Variants in KAZN observed in about 807,000 individuals in gnomAD.
The protein encoded by KAZN is kazrin, periplakin interacting protein.
A neutral mutation model predicts 87.4 loss-of-function variants in KAZN; 40 were observed. The observed-to-expected ratio is 0.46, with a 90% CI of 0.36 to 0.60. The LOEUF is 0.60. Among genes scored for constraint, KAZN ranks in the 20% least tolerant of loss-of-function variants. KAZN has a pLI of 0.00. For missense variants in KAZN, 898 were observed against 1,073.9 expected (o/e 0.84, Z 2.29); for synonymous variants, 466 against 458.3 (o/e 1.02, Z -0.22).
At chr1:14,246,646 C>G (rs1027463833) in intron 2 of KAZN, among the ~76,000 whole-genome samples, 1 of 152,168 alleles carries the variant, frequency 6.6e-6, no homozygotes, top group Admixed American at 6.5e-5. Flanking sequence ...TCTTTTCCCC[C>G]CAGCCAAACT....
At chr1:14,174,978 A>C (rs530330477) in intron 1 of KAZN, among the ~76,000 whole-genome samples, 14 of 152,320 alleles carry the variant, frequency 9.2e-5, no homozygotes, top group African/African-American at 3.4e-4. Context: ...ATATGGCAAA[A>C]CTTAACATCA....
At chr1:14,127,785 T>C (rs912587353) in intron 1 of KAZN, among the ~76,000 whole-genome samples, 3 of 152,210 alleles carry the variant, frequency 2.0e-5, no homozygotes, top group East Asian at 3.9e-4. Context: ...GTGCCAGGCT[T>C]TGAGTTGGTG....
At chr1:13,963,226 G>A (rs924478181) in intron 1 of KAZN, among the ~76,000 whole-genome samples, 1 of 152,098 alleles carries the variant, frequency 6.6e-6, no homozygotes, top group Non-Finnish European at 1.5e-5. Flanking sequence ...ATAGGCTGAG[G>A]GCTACTTTCA....
At chr1:14,292,699 T>C (rs1653807877) in intron 2 of KAZN, among the ~76,000 whole-genome samples, 1 of 152,186 alleles carries the variant, frequency 6.6e-6, no homozygotes, top group Non-Finnish European at 1.5e-5. Context: ...CCTCCCCACC[T>C]TTCCTTTTTC....
chr1:14,727,469 T>C (rs1427479921), intron 1 of KAZN, among the ~76,000 whole-genome samples: 20,540 of 73,078 alleles, frequency 0.28, 3,579 homozygotes, highest in South Asian at 0.38. Context: ...TTTTTTTTTT[T>C]TTTTTTTTTT....
chr1:13,988,040 A>G (rs1639101348), intron 1 of KAZN, among the ~76,000 whole-genome samples: 1 of 152,182 alleles, frequency 6.6e-6, no homozygotes, highest in Non-Finnish European at 1.5e-5. Flanking sequence ...ATTGATCCAT[A>G]CAGGAAGGTG....
At chr1:14,948,261 ATCTGGCT>A (rs1376218657) in intron 1 of KAZN, among the ~76,000 whole-genome samples, 2 of 152,232 alleles carry the variant, frequency 1.3e-5, no homozygotes, top group East Asian at 1.9e-4. Context: ...CAGGGATAGG[ATCTGGCT>A]TCAGGTGTGG....
intron 1 of KAZN, among the ~76,000 whole-genome samples, chr1:14,867,511 C>G (rs1178542708): frequency 6.6e-6 from 1 of 152,170 alleles, no homozygotes; most frequent in African/African-American, 2.4e-5. Context: ...TTTGACTTCT[C>G]TGTGCCTGTT....
At chr1:14,054,757 T>G (rs1557437337) in intron 1 of KAZN, among the ~76,000 whole-genome samples, 1 of 152,236 alleles carries the variant, frequency 6.6e-6, no homozygotes, top group African/African-American at 2.4e-5. Context: ...TGTTCATTTA[T>G]TTTACAAACA....
chr1:15,057,402 G>T lies in KAZN; in HGVS notation c.916+1122G>T, dbSNP rs570746348. ...AAATGTGTAAAACTGCGGGAATGGG[G>T]CTGGGATCATGGTCAGAGCTGGGTA... On this transcript the variant is annotated intron_variant, in intron 5 of 14. Transcript: ENST00000376030. 3.3e-5 allele frequency among the ~76,000 whole-genome samples: 5 copies of T among 152,362 alleles called. No individual in the cohort carries two copies. The East Asian group carries it at 9.6e-4, about 29-fold the overall frequency.
At chr1:14,382,803 G>T (rs898698890) in intron 2 of KAZN, among the ~76,000 whole-genome samples, 15 of 151,268 alleles carry the variant, frequency 9.9e-5, no homozygotes, top group Admixed American at 5.3e-4. Context: ...CTTTATAGCA[G>T]CATGATTTAT....
chr1:14,590,443 G>C (rs964849462), intron 2 of KAZN, among the ~76,000 whole-genome samples: 1 of 152,114 alleles, frequency 6.6e-6, no homozygotes, highest in African/African-American at 2.4e-5. Context: ...TATTAGAGGG[G>C]GAAATGAGAA....
chr1:14,448,825 T>C (rs2148327769), intron 2 of KAZN, among the ~76,000 whole-genome samples: 1 of 152,328 alleles, frequency 6.6e-6, no homozygotes, highest in East Asian at 1.9e-4. Context: ...GCACACTTCT[T>C]TGCTTCTCAA....
At chr1:14,834,454 G>C (rs1647157651) in intron 1 of KAZN, among the ~76,000 whole-genome samples, 1 of 149,518 alleles carries the variant, frequency 6.7e-6, no homozygotes, top group African/African-American at 2.5e-5. Context: ...CTCCGCCTCT[G>C]GGGTTCACAC....
chr1:14,363,967 AT>A (rs34042579), intron 2 of KAZN, among the ~76,000 whole-genome samples: 58,303 of 145,632 alleles, frequency 0.4, 11,336 homozygotes, highest in South Asian at 0.49. Flanking sequence ...TACTCACAAT[AT>A]TTTTTTTTTT....
chr1:14,870,413 G>A (rs1372686687), intron 1 of KAZN, among the ~76,000 whole-genome samples: 1 of 152,148 alleles, frequency 6.6e-6, no homozygotes, highest in East Asian at 1.9e-4. Context: ...CACAATCTTG[G>A]CTCATTGCAA....
chr1:14,114,451 G>T (rs1421210976), intron 1 of KAZN, among the ~76,000 whole-genome samples: 3 of 151,972 alleles, frequency 2.0e-5, no homozygotes, highest in Middle Eastern at 3.2e-3. Flanking sequence ...TCTCCAGCCT[G>T]GAACTCTCTC....
At chr1:14,386,665 G>T (rs1181367645) in intron 2 of KAZN, among the ~76,000 whole-genome samples, 1 of 152,160 alleles carries the variant, frequency 6.6e-6, no homozygotes. Context: ...GGTTTGTAGA[G>T]TTTCTGCCGA....
At position 15,104,188 on chromosome 1, in the gene KAZN, A is replaced by T; in HGVS notation, c.2047A>T (p.Asn683Tyr). The change falls in exon 13 of 15, where the codon AAC (asparagine) becomes TAC (tyrosine). Residue 683 changes from asparagine to tyrosine, a missense_variant and splice_region_variant. Asn to Tyr is a moderately radical substitution (Grantham distance 143). Transcript: ENST00000376030. Reference sequence around the variant, plus strand: ...GATGAGCGCCGTCTTCCACCCAGCCAAGTGAGCACGGGCTGGGATCCAGTC... The same window carrying T: ...GATGAGCGCCGTCTTCCACCCAGCCTAGTGAGCACGGGCTGGGATCCAGTC... ...EEMSAVFHPA[N>Y]STGIREAERF... 1 of 1,575,322 alleles carries T rather than the reference A, an allele frequency of 6.3e-7. No individual in the cohort carries two copies. The highest frequency in any genetic ancestry group is 1.2e-5 in the South Asian group (1 of 85,550).
Sources: gnomAD v4.1 joint callset for allele counts (sites outside exome capture counted in the v4.1 genomes callset) on GRCh38, gnomAD v4.1.1 for gene constraint, MANE v1.5 for transcripts, NCBI Gene and HGNC (gene_info 2026-07-23, HGNC 2026-07-21) for gene names.